Variants in ADGRL2 observed in about 807,000 individuals in gnomAD.
ADGRL2 encodes the protein adhesion G protein-coupled receptor L2.
ADGRL2 carries 44 observed loss-of-function variants against 157.4 expected under a neutral mutation model. That is an observed-to-expected ratio of 0.28 (90% CI 0.22 to 0.36). The LOEUF (loss-of-function observed/expected upper bound fraction) is 0.36. Among genes scored for constraint, ADGRL2 ranks in the 10% least tolerant of loss-of-function variants. ADGRL2 has a pLI of 1.00. For synonymous variants in ADGRL2, 585 were observed against 624.7 expected, an observed-to-expected ratio of 0.94 and a Z score of 0.95; for missense variants, 1,510 against 1,768.9, an observed-to-expected ratio of 0.85 and a Z score of 2.63.
chr1:81,426,012 A>C (rs1011792002), intron 1 of ADGRL2, among the ~76,000 whole-genome samples: 3 of 152,216 alleles, frequency 2.0e-5, no homozygotes, highest in South Asian at 2.1e-4. Flanking sequence ...GACTACAGGC[A>C]TGCACCACCA....
intron 2 of ADGRL2, among the ~76,000 whole-genome samples, chr1:81,487,419 C>G (rs2078532154): frequency 6.6e-6 from 1 of 151,996 alleles, no homozygotes; most frequent in African/African-American, 2.4e-5. Context: ...CTGAGGCAGG[C>G]AGATCACCTG....
intron 3 of ADGRL2, among the ~76,000 whole-genome samples, chr1:81,693,543 A>C (rs181523928): frequency 2.6e-4 from 39 of 152,340 alleles, no homozygotes; most frequent in African/African-American, 9.1e-4. Context: ...TTACTTCATA[A>C]TAAAGATTTT....
intron 2 of ADGRL2, among the ~76,000 whole-genome samples, chr1:81,895,204 T>C (rs570801934): frequency 3.8e-4 from 58 of 152,222 alleles, no homozygotes; most frequent in South Asian, 8.3e-4. Context: ...AAATAAGTTC[T>C]AGAGTTGGTA....
chr1:81,425,097 A>G (rs1054451861), intron 1 of ADGRL2, among the ~76,000 whole-genome samples: 2 of 152,238 alleles, frequency 1.3e-5, no homozygotes, highest in African/African-American at 4.8e-5. Flanking sequence ...GCTCCATTCC[A>G]TTCTGGAGCA....
intron 1 of ADGRL2, among the ~76,000 whole-genome samples, chr1:81,377,928 C>T (rs2076278198): frequency 1.3e-5 from 2 of 152,228 alleles, no homozygotes; most frequent in South Asian, 4.2e-4. Context: ...CACCTGTAAT[C>T]CCAACACTTT....
At chr1:81,617,466 C>T (rs546062826) in intron 3 of ADGRL2, among the ~76,000 whole-genome samples, 62 of 152,208 alleles carry the variant, frequency 4.1e-4, no homozygotes, top group Non-Finnish European at 7.6e-4. Context: ...CACATACATC[C>T]TCCACTTAGG....
At chr1:81,865,803 T>C (rs572987934) in intron 2 of ADGRL2, among the ~76,000 whole-genome samples, 1 of 152,328 alleles carries the variant, frequency 6.6e-6, no homozygotes, top group South Asian at 2.1e-4. Flanking sequence ...TTATTAAAAA[T>C]GTTCTGCATA....
At chr1:81,947,968 C>T (rs1650419078) in intron 6 of ADGRL2, among the ~76,000 whole-genome samples, 1 of 152,018 alleles carries the variant, frequency 6.6e-6, no homozygotes, top group Non-Finnish European at 1.5e-5. Flanking sequence ...CCTGTAATCC[C>T]AGCACTTTGG....
chr1:81,327,221 G>A (rs1321255507), intron 1 of ADGRL2, among the ~76,000 whole-genome samples: 1 of 152,030 alleles, frequency 6.6e-6, no homozygotes, highest in Admixed American at 6.6e-5. Flanking sequence ...ACTGCAGAGC[G>A]GAATTAAGTT....
intron 2 of ADGRL2, among the ~76,000 whole-genome samples, chr1:81,447,507 G>T (rs1408811917): frequency 6.6e-6 from 1 of 152,178 alleles, no homozygotes; most frequent in East Asian, 1.9e-4. Context: ...TTTCAGGAAA[G>T]TGTCGCTGTT....
At chr1:81,311,691 T>C (rs928043126) in intron 1 of ADGRL2, among the ~76,000 whole-genome samples, 1 of 152,230 alleles carries the variant, frequency 6.6e-6, no homozygotes, top group African/African-American at 2.4e-5. Flanking sequence ...TTCCAAATAC[T>C]GAGCCTACGC....
intron 2 of ADGRL2, among the ~76,000 whole-genome samples, chr1:81,573,926 A>C (rs1448489542): frequency 6.6e-6 from 1 of 152,222 alleles, no homozygotes; most frequent in African/African-American, 2.4e-5. Flanking sequence ...CAATTGTTAG[A>C]GAAGTCTCTA....
intron 3 of ADGRL2, among the ~76,000 whole-genome samples, chr1:81,681,733 T>C (rs945423506): frequency 2.6e-5 from 4 of 152,300 alleles, no homozygotes; most frequent in East Asian, 1.9e-4. Flanking sequence ...ACCATATGCA[T>C]AGCACCGCAA....
intron 2 of ADGRL2, among the ~76,000 whole-genome samples, chr1:81,552,125 G>A (rs1339022127): frequency 6.6e-6 from 1 of 152,082 alleles, no homozygotes; most frequent in Non-Finnish European, 1.5e-5. Flanking sequence ...GAGTGTGCAG[G>A]TTCAAATTCC....
chr1:81,367,162 T>C (rs999243013), intron 1 of ADGRL2, among the ~76,000 whole-genome samples: 1 of 152,120 alleles, frequency 6.6e-6, no homozygotes, highest in Non-Finnish European at 1.5e-5. Context: ...CCAGTTTCTA[T>C]GTACTTGGAC....
At chr1:81,809,222 TAAAAG>T (rs1333234974) in intron 1 of ADGRL2, among the ~76,000 whole-genome samples, 6 of 151,970 alleles carry the variant, frequency 3.9e-5, no homozygotes, top group Middle Eastern at 6.3e-3. Context: ...TTAGTTATCT[TAAAAG>T]AAGCCTATTT....
intron 1 of ADGRL2, among the ~76,000 whole-genome samples, chr1:81,310,917 T>C (rs1002158663): frequency 1.3e-5 from 2 of 151,560 alleles, no homozygotes; most frequent in African/African-American, 2.4e-5. Context: ...TCTGTGTTGA[T>C]AGAAACATTC....
intron 1 of ADGRL2, among the ~76,000 whole-genome samples, chr1:81,735,574 G>C (rs1431525402): frequency 6.6e-6 from 1 of 152,038 alleles, no homozygotes; most frequent in Non-Finnish European, 1.5e-5. Flanking sequence ...CAGATCACTT[G>C]AGGTGAGGAG....
intron 1 of ADGRL2, among the ~76,000 whole-genome samples, chr1:81,347,924 C>G (rs924046324): frequency 6.6e-6 from 1 of 152,128 alleles, no homozygotes; most frequent in East Asian, 1.9e-4. Context: ...GACCCTAAAG[C>G]TATTCAGCTG....
Sources: gnomAD v4.1 joint callset for allele counts (sites outside exome capture counted in the v4.1 genomes callset) on GRCh38, gnomAD v4.1.1 for gene constraint, MANE v1.5 for transcripts, NCBI Gene and HGNC (gene_info 2026-07-23, HGNC 2026-07-21) for gene names.